OPCML: variants seen among roughly 807,000 people sequenced by gnomAD.
The protein encoded by OPCML is opioid binding protein/cell adhesion molecule like.
Under a neutral mutation model 37.8 loss-of-function variants are expected in OPCML, and 13 were observed. That is an observed-to-expected ratio of 0.34 (90% CI 0.22 to 0.55). The LOEUF is 0.55. Among genes scored for constraint, OPCML ranks in the 20% least tolerant of loss-of-function variants. OPCML has a pLI of 0.91. For synonymous variants in OPCML, 176 were observed against 168.8 expected (o/e 1.04, Z -0.33); for missense variants, 341 against 435.6 (o/e 0.78, Z 1.93).
intron 1 of OPCML, among the ~76,000 whole-genome samples, chr11:132,965,689 C>A (rs1025427606): frequency 1.3e-5 from 2 of 152,028 alleles, no homozygotes; most frequent in Admixed American, 1.3e-4. Context: ...AGGGCCACCA[C>A]GCCCAGCTAA....
intron 1 of OPCML, among the ~76,000 whole-genome samples, chr11:133,000,902 G>T (rs1281211671): frequency 1.3e-5 from 2 of 152,136 alleles, no homozygotes; most frequent in Admixed American, 1.3e-4. Flanking sequence ...TTCTCGTATG[G>T]TTTCCTGTGA....
intron 4 of OPCML, among the ~76,000 whole-genome samples, chr11:132,468,119 C>A (rs2096125323): frequency 6.6e-6 from 1 of 152,200 alleles, no homozygotes; most frequent in African/African-American, 2.4e-5. Context: ...TCTCTTTCTG[C>A]TTAGCCTTTA....
At chr11:132,703,607 G>A (rs1943915976) in intron 2 of OPCML, among the ~76,000 whole-genome samples, 1 of 152,196 alleles carries the variant, frequency 6.6e-6, no homozygotes, top group African/African-American at 2.4e-5. Context: ...CTTGCTGTTA[G>A]AGTTCTTGGG....
At chr11:133,054,673 C>A (rs7102095) in intron 1 of OPCML, among the ~76,000 whole-genome samples, 1 of 151,876 alleles carries the variant, frequency 6.6e-6, no homozygotes, top group Non-Finnish European at 1.5e-5. Flanking sequence ...GGACACTTCT[C>A]AGTCTGCTCT....
At chr11:133,284,728 T>C (rs553243799) in intron 1 of OPCML, among the ~76,000 whole-genome samples, 60 of 152,122 alleles carry the variant, frequency 3.9e-4, no homozygotes, top group Non-Finnish European at 7.1e-4. Flanking sequence ...AGAACATACA[T>C]GTAAGTCTCG....
chr11:132,494,643 A>G (rs1016835282), intron 4 of OPCML, among the ~76,000 whole-genome samples: 8 of 152,234 alleles, frequency 5.3e-5, no homozygotes, highest in African/African-American at 1.9e-4. Context: ...TAGAATTTTT[A>G]TCTTGCAAGA....
At chr11:132,947,996 G>A (rs981780895) in intron 1 of OPCML, among the ~76,000 whole-genome samples, 1 of 152,132 alleles carries the variant, frequency 6.6e-6, no homozygotes, top group Non-Finnish European at 1.5e-5. Context: ...TTTGGATTTG[G>A]GATGCTCAAC....
chr11:132,838,443 T>G (rs1263463137), intron 2 of OPCML, among the ~76,000 whole-genome samples: 1 of 152,176 alleles, frequency 6.6e-6, no homozygotes, highest in African/African-American at 2.4e-5. Context: ...ACATTTGGCC[T>G]GGATAAATGA....
rs1045434589 is a variant in OPCML at position 132,622,146 on chromosome 11, A to G, written c.379+34941T>C. ...TTCCAAGAAGAATGATGAGAATAAT[A>G]AAAAAAAAAAGTTGACTCACAAAGA... On this transcript the variant is annotated intron_variant, in intron 3 of 7. Coordinates refer to ENST00000524381, the MANE Select transcript of OPCML (RefSeq NM_001012393.5). Among the ~76,000 whole-genome samples the G allele has an allele frequency of 6.4e-5, 9 of 141,202 alleles. No homozygotes were observed. The Admixed American group carries it at 6.4e-4, about 10-fold the overall frequency. The allele number at this position is 141,202 out of a possible 152,430, so 92.6% of individuals were successfully genotyped here.
chr11:133,517,267 G>A (rs1321887327), intron 1 of OPCML, among the ~76,000 whole-genome samples: 1 of 152,108 alleles, frequency 6.6e-6, no homozygotes, highest in East Asian at 1.9e-4. Context: ...TATGTGTAGT[G>A]ATTATATATT....
chr11:132,516,852 C>T (rs534240725), intron 4 of OPCML, among the ~76,000 whole-genome samples: 1 of 152,182 alleles, frequency 6.6e-6, no homozygotes, highest in South Asian at 2.1e-4. Context: ...TGACTCAGAC[C>T]CACAGCCAAG....
intron 3 of OPCML, among the ~76,000 whole-genome samples, chr11:132,619,776 C>T (rs901564868): frequency 8.9e-5 from 13 of 146,456 alleles, no homozygotes; most frequent in Admixed American, 7.0e-5. Flanking sequence ...GGCATGAACC[C>T]GGGAGGCGGA....
Position 133,205,408 on chromosome 11 carries a change from T to G in OPCML, c.62-262398A>C, listed in dbSNP as rs907865607. Reference sequence around the variant, plus strand: ...TAAAGTGTTTCCCTGAGTTCTGTGATCCACTCTAGTAAATGAATTAAACCT... The same window carrying G: ...TAAAGTGTTTCCCTGAGTTCTGTGAGCCACTCTAGTAAATGAATTAAACCT... On this transcript the variant is annotated intron_variant, in intron 1 of 7. Transcript: ENST00000524381. This position sits in a 1 kb window ranked among gnomAD's most constrained non-coding sequence, Gnocchi z 4.8. Among the ~76,000 whole-genome samples, 21 of 152,148 alleles carry G rather than the reference T, an allele frequency of 1.4e-4. 1 individual carries two copies. Among genetic ancestry groups the G allele is most frequent in the Non-Finnish European group, 4.4e-5 (3 of 68,040 alleles).
At chr11:132,946,759 G>A (rs534465029) in intron 1 of OPCML, among the ~76,000 whole-genome samples, 37 of 152,304 alleles carry the variant, frequency 2.4e-4, no homozygotes, top group East Asian at 2.1e-3. Context: ...GAGGCTGGGG[G>A]CTCAGGGAGC....
At chr11:132,989,919 C>T (rs758527050) in intron 1 of OPCML, among the ~76,000 whole-genome samples, 2 of 152,084 alleles carry the variant, frequency 1.3e-5, no homozygotes, top group Non-Finnish European at 2.9e-5. Flanking sequence ...TATTTTATCA[C>T]CCTTGGATGA....
chr11:132,862,836 T>C (rs1002903414), intron 2 of OPCML, among the ~76,000 whole-genome samples: 2 of 152,204 alleles, frequency 1.3e-5, no homozygotes, highest in African/African-American at 4.8e-5. Context: ...ATATTTCAAA[T>C]CCTTACACAC....
chr11:132,437,825 A>G (rs2096018369), intron 4 of OPCML, among the ~76,000 whole-genome samples: 1 of 152,230 alleles, frequency 6.6e-6, no homozygotes, highest in African/African-American at 2.4e-5. Flanking sequence ...ACAAACTACT[A>G]CTTGTAGAAC....
At chr11:132,466,599 G>A (rs992492929) in intron 4 of OPCML, among the ~76,000 whole-genome samples, 1 of 152,170 alleles carries the variant, frequency 6.6e-6, no homozygotes, top group Admixed American at 6.5e-5. Flanking sequence ...GAATCAGCAA[G>A]ATAGAAACAG....
intron 3 of OPCML, among the ~76,000 whole-genome samples, chr11:132,582,970 A>G (rs1163870339): frequency 6.7e-6 from 1 of 150,288 alleles, no homozygotes; most frequent in African/African-American, 2.5e-5. Flanking sequence ...TTCAGCCTCC[A>G]GAGTAGCTGA....
Sources: allele counts gnomAD v4.1 joint callset (sites outside exome capture counted in the v4.1 genomes callset), GRCh38; gene constraint gnomAD v4.1.1; non-coding constraint Gnocchi (gnomAD v3.1); transcripts MANE v1.5; gene names NCBI Gene and HGNC (gene_info 2026-07-23, HGNC 2026-07-21).